The following WDR7 variants were observed in gnomAD, a reference collection of about 807,000 sequenced individuals.
The protein encoded by WDR7 is WD repeat-containing protein 7.
In WDR7, 46 loss-of-function variants were observed where a neutral mutation model predicts 169.4. The observed-to-expected ratio is 0.27, with a 90% CI of 0.21 to 0.35. The LOEUF is 0.35. Among genes scored for constraint, WDR7 ranks in the 10% least tolerant of loss-of-function variants. The probability of loss-of-function intolerance (pLI) is 1.00; values close to 1 mark genes in which losing one functional copy is unlikely to be tolerated. For missense variants in WDR7, 1,534 were observed against 1,859.3 expected, an observed-to-expected ratio of 0.83 and a Z score of 3.22; for synonymous variants, 612 against 666.8, an observed-to-expected ratio of 0.92 and a Z score of 1.27.
chr18:56,694,907 A>T (rs373978966), intron 10 of WDR7, 43 bp from the exon 11 acceptor site: 2 of 1,563,844 alleles, frequency 1.3e-6, no homozygotes, highest in African/African-American at 1.4e-5. Context: ...TTTTTTTAAC[A>T]TGCACAAATG....
At chr18:56,658,550 T>C (rs1019824432) in intron 1 of WDR7, among the ~76,000 whole-genome samples, 1 of 152,258 alleles carries the variant, frequency 6.6e-6, no homozygotes, top group African/African-American at 2.4e-5. Context: ...AACAGACTGA[T>C]AGAGTGAGCC....
intron 16 of WDR7, among the ~76,000 whole-genome samples, chr18:56,761,263 G>A (rs552101372): frequency 6.6e-6 from 1 of 152,198 alleles, no homozygotes; most frequent in East Asian, 1.9e-4. Context: ...ACCCACTTTG[G>A]CCTCCCAAAG....
intron 26 of WDR7, among the ~76,000 whole-genome samples, chr18:56,978,770 T>C (rs1308051381): frequency 3.3e-5 from 5 of 152,190 alleles, no homozygotes; most frequent in African/African-American, 1.2e-4. Flanking sequence ...TCCTCAGACG[T>C]CCTGAGGTCT....
At chr18:56,955,240 A>G (rs768357290) in intron 25 of WDR7, among the ~76,000 whole-genome samples, 4 of 152,184 alleles carry the variant, frequency 2.6e-5, no homozygotes, top group Non-Finnish European at 5.9e-5. Flanking sequence ...CTCTAAAATC[A>G]TTCTAGTCCA....
intron 20 of WDR7, among the ~76,000 whole-genome samples, chr18:56,866,915 A>T (rs2045889800): frequency 6.6e-6 from 1 of 152,164 alleles, no homozygotes; most frequent in South Asian, 2.1e-4. Flanking sequence ...TCCCAGTTAC[A>T]CTCATTTGAT....
At position 56,776,835 on chromosome 18, in the gene WDR7, C is replaced by T. The variant is rs1188513075; in HGVS notation, c.2902C>T (p.Pro968Ser). The T allele has an allele frequency of 1.4e-5, 23 of 1,613,824 alleles. No individual in the cohort carries two copies. The highest frequency in any genetic ancestry group is 1.8e-5 in the Non-Finnish European group (21 of 1,179,922). Residue 968 changes from proline (P) to serine (S), a missense_variant, in exon 17 of 28, where the codon CCT becomes TCT. Pro to Ser is a moderately conservative substitution (Grantham distance 74). Transcript: ENST00000254442. ...TGATGCTGATCACTCTGGCTCTGAC[C>T]CTCCTTCTGCTCCTGCTTTACATAC... The part of the protein sequence containing the change: ...RSDADHSGSD[P>S]PSAPALHTCF...
intron 13 of WDR7, among the ~76,000 whole-genome samples, chr18:56,722,970 C>T (rs1158099922): frequency 6.6e-6 from 1 of 152,170 alleles, no homozygotes; most frequent in Non-Finnish European, 1.5e-5. Flanking sequence ...ACAACACTTG[C>T]TTCATATTAA....
intron 19 of WDR7, among the ~76,000 whole-genome samples, chr18:56,800,068 G>A (rs1177906112): frequency 1.3e-5 from 2 of 151,970 alleles, no homozygotes; most frequent in African/African-American, 2.4e-5. Flanking sequence ...AAAAATGAAA[G>A]TTTATATTCT....
chr18:57,022,458 T>A (rs2048306172), intron 27 of WDR7, among the ~76,000 whole-genome samples: 1 of 152,176 alleles, frequency 6.6e-6, no homozygotes, highest in African/African-American at 2.4e-5. Flanking sequence ...GAAACCTGTG[T>A]TCTGTCCAGG....
At position 56,960,588 on chromosome 18, in the gene WDR7, A is replaced by G. The variant is rs958895981; in HGVS notation, c.4065-1842A>G. 2.6e-5 allele frequency among the ~76,000 whole-genome samples: 4 copies of G among 152,310 alleles called. No individual in the cohort carries two copies. In the East Asian group the frequency reaches 7.7e-4, roughly 29 times the overall value. On this transcript the variant is annotated intron_variant, in intron 25 of 27. Coordinates refer to ENST00000254442, the MANE Select transcript of WDR7 (RefSeq NM_015285.3). ...AATAAGACATACATTATTCATGAGT[A>G]TATGTGTATAGATATAGATGTAGAT...
intron 26 of WDR7, among the ~76,000 whole-genome samples, chr18:57,018,137 G>T (rs952310648): frequency 3.9e-5 from 6 of 152,172 alleles, no homozygotes; most frequent in Non-Finnish European, 8.8e-5. Flanking sequence ...CCTTCTGGTT[G>T]CTGATTAAGG....
chr18:56,668,288 A>G (rs1568126912), intron 1 of WDR7, among the ~76,000 whole-genome samples: 1 of 152,064 alleles, frequency 6.6e-6, no homozygotes, highest in Non-Finnish European at 1.5e-5. Context: ...CCTACTATTT[A>G]CTGTTTAGAA....
chr18:56,816,084 G>A lies in WDR7; in HGVS notation c.3244G>A (p.Gly1082Arg), dbSNP rs766677987. The A allele has an allele frequency of 6.8e-6, 11 of 1,613,692 alleles. No individual in the cohort carries two copies. The highest frequency in any genetic ancestry group is 1.3e-5 in the African/African-American group (1 of 74,928). ...QTITTAPDAS[G>R]PEAKVQEEEH... ...TATCACCACGGCTCCTGATGCCTCA[G>A]GGCCTGAAGCAAAAGTCCAGGAGGA... The change falls in exon 20 of 28, where the codon GGG (glycine) becomes AGG (arginine). Residue 1082 changes from glycine (G) to arginine (R), a missense_variant. Transcript: ENST00000254442.
At chr18:56,990,138 G>A (rs2047789441) in intron 26 of WDR7, among the ~76,000 whole-genome samples, 1 of 152,154 alleles carries the variant, frequency 6.6e-6, no homozygotes, top group Non-Finnish European at 1.5e-5. Flanking sequence ...ATAGAATTTG[G>A]AATTAAATCC....
At chr18:56,840,620 A>T (rs1236459615) in intron 20 of WDR7, among the ~76,000 whole-genome samples, 1 of 152,168 alleles carries the variant, frequency 6.6e-6, no homozygotes, top group Non-Finnish European at 1.5e-5. Context: ...CAGCAGTTTG[A>T]GACCAGCCTG....
intron 22 of WDR7, among the ~76,000 whole-genome samples, chr18:56,928,852 C>T (rs1430761235): frequency 1.3e-5 from 2 of 152,224 alleles, no homozygotes; most frequent in African/African-American, 4.8e-5. Context: ...AAACCCTACT[C>T]TAGCTTATTC....
chr18:56,659,324 A>G (rs549790680), intron 1 of WDR7, among the ~76,000 whole-genome samples: 1 of 152,344 alleles, frequency 6.6e-6, no homozygotes, highest in East Asian at 1.9e-4. Context: ...TAATTTGCTG[A>G]TGGGTGCAAC....
At chr18:56,692,207 T>C (rs888451350) in intron 9 of WDR7, among the ~76,000 whole-genome samples, 1 of 152,204 alleles carries the variant, frequency 6.6e-6, no homozygotes, top group African/African-American at 2.4e-5. Context: ...AGTTCCTTTG[T>C]TGAACAAGGC....
chr18:56,682,669 A>T lies in WDR7; in HGVS notation c.346-10A>T, dbSNP rs868764940. On this transcript the variant is annotated splice_polypyrimidine_tract_variant and intron_variant, in intron 4 of 27. Coordinates refer to ENST00000254442, the MANE Select transcript of WDR7 (RefSeq NM_015285.3). ...CTCAGAAATCTTTTTTCCTTTTGGCATGAATGTAGTTCTACCAGTTCTCTG... is the reference window on the plus strand; with the variant it reads ...CTCAGAAATCTTTTTTCCTTTTGGCTTGAATGTAGTTCTACCAGTTCTCTG... 1 of 1,604,262 alleles carries T rather than the reference A, an allele frequency of 6.2e-7. No individual in the cohort carries two copies. Among genetic ancestry groups the T allele is most frequent in the Non-Finnish European group, 8.5e-7 (1 of 1,176,880 alleles).
Sources: allele counts gnomAD v4.1 joint callset (sites outside exome capture counted in the v4.1 genomes callset), GRCh38; gene constraint gnomAD v4.1.1; transcripts MANE v1.5; gene names NCBI Gene and HGNC (gene_info 2026-07-23, HGNC 2026-07-21).